SLC26A4: variants seen among roughly 807,000 people sequenced by gnomAD.
SLC26A4 encodes the protein solute carrier family 26 member 4.
Under a neutral mutation model 90.4 loss-of-function variants are expected in SLC26A4, and 93 were observed. That is an observed-to-expected ratio of 1.03 (90% CI 0.87 to 1.22). The LOEUF (loss-of-function observed/expected upper bound fraction) is 1.22, where lower values mean the gene tolerates loss of function less well. SLC26A4 is among the 50% of genes most tolerant of loss of function. The pLI is 0.00. For synonymous variants in SLC26A4, 393 were observed against 354.6 expected (o/e 1.11, Z -1.22); for missense variants, 1,127 against 946.2 (o/e 1.19, Z -2.51).
chr7:107,694,110 G>A (rs190079182), intron 10 of SLC26A4, among the ~76,000 whole-genome samples: 17 of 152,252 alleles, frequency 1.1e-4, no homozygotes, highest in Admixed American at 5.9e-4. Flanking sequence ...CGCCGAAACC[G>A]CAGGTGTGTA....
chr7:107,662,876 CA>C (rs765136180), intron 2 of SLC26A4, among the ~76,000 whole-genome samples: 40 of 152,084 alleles, frequency 2.6e-4, no homozygotes, highest in Non-Finnish European at 4.9e-4. Flanking sequence ...AAACTAGCTC[CA>C]GGCTTGTATT....
chr7:107,672,940 T>G (rs1314872159), intron 4 of SLC26A4, among the ~76,000 whole-genome samples: 2 of 152,252 alleles, frequency 1.3e-5, no homozygotes, highest in South Asian at 4.1e-4. Flanking sequence ...ATCTGCTGGC[T>G]AGACATGTCT....
chr7:107,693,307 G>A (rs182028604), intron 10 of SLC26A4: 109 of 985,342 alleles, frequency 1.1e-4, no homozygotes, highest in Admixed American at 4.3e-4. Flanking sequence ...TACAAAGCAC[G>A]CTTTTTAGTA....
chr7:107,665,616 A>G (rs966785917), intron 3 of SLC26A4, among the ~76,000 whole-genome samples: 1 of 152,222 alleles, frequency 6.6e-6, no homozygotes, highest in Non-Finnish European at 1.5e-5. Flanking sequence ...TATATATAAA[A>G]AATGGTGGTT....
chr7:107,701,487 G>A (rs1791884614), intron 16 of SLC26A4, among the ~76,000 whole-genome samples: 1 of 152,176 alleles, frequency 6.6e-6, no homozygotes, highest in Admixed American at 6.6e-5. Flanking sequence ...CAAAATAAGT[G>A]CAAATTCAAT....
intron 6 of SLC26A4, among the ~76,000 whole-genome samples, chr7:107,680,031 A>T (rs1276450841): frequency 1.5e-5 from 2 of 132,228 alleles, no homozygotes; most frequent in African/African-American, 2.9e-5. Flanking sequence ...CTTATTATAT[A>T]ATATAATCTT....
intron 8 of SLC26A4, 76 bp from the exon 9 acceptor site, chr7:107,688,977 A>G (rs1584323871): frequency 6.9e-7 from 1 of 1,454,808 alleles, no homozygotes; most frequent in East Asian, 2.3e-5. Flanking sequence ...GACTGAGCAG[A>G]TATAGCATTT....
At chr7:107,686,538 A>G (rs934635972) in intron 8 of SLC26A4, among the ~76,000 whole-genome samples, 4 of 150,470 alleles carry the variant, frequency 2.7e-5, no homozygotes, top group Non-Finnish European at 5.9e-5. Flanking sequence ...CCCAGCATGG[A>G]ATGCAGTGGC....
rs1340613335 is a variant in SLC26A4, at chr7:107,695,981, C to T, written c.1486C>T (p.Leu496Phe). ...AGTGTCCATCATTCTGGGGCTGGAT[C>T]TCGGTTTACTAGCTGGCCTTATATT... Reference protein sequence around the residue: ...CIVSIILGLDLGLLAGLIFGL... With the variant: ...CIVSIILGLDFGLLAGLIFGL... Residue 496 changes from leucine to phenylalanine, a missense_variant, in exon 13 of 21, where the codon CTC becomes TTC. Physicochemically the swap from Leu to Phe is conservative, Grantham distance 22. Transcript: ENST00000644269. 8.1e-6 allele frequency: 13 copies of T among 1,612,896 alleles called. No homozygotes were observed. The East Asian group carries it at 2.5e-4, about 30-fold the overall frequency.
rs397516418 is a variant in SLC26A4 at position 107,694,718 on chromosome 7, T to G, written c.1437+2T>G. The stretch of plus-strand genomic sequence containing the variant: ...TGGAGACAGAATAAGATTGATGCTG[T>G]AAGTCACCTACCACCTATATTTATC... On this transcript the variant is annotated splice_donor_variant, in intron 12 of 20. Transcript: ENST00000644269. LOFTEE classifies it high-confidence loss of function. 1 of 1,576,020 alleles carries G rather than the reference T, an allele frequency of 6.3e-7. No homozygotes were observed. Among genetic ancestry groups the G allele is most frequent in the Non-Finnish European group, 8.7e-7 (1 of 1,145,230 alleles).
chr7:107,679,258 G>A (rs1468166516), intron 6 of SLC26A4, among the ~76,000 whole-genome samples: 2 of 152,126 alleles, frequency 1.3e-5, no homozygotes, highest in African/African-American at 4.8e-5. Flanking sequence ...AAGGGTGAGA[G>A]CTTTGAAAGC....
At chr7:107,678,385 C>T (rs534761724) in intron 6 of SLC26A4, among the ~76,000 whole-genome samples, 2 of 152,264 alleles carry the variant, frequency 1.3e-5, no homozygotes, top group South Asian at 2.1e-4. Context: ...CTACACAGAT[C>T]GCAGGAGGTC....
At chr7:107,694,515 A>C (rs1235721376) in intron 11 of SLC26A4, 35 bp downstream of exon 11, 1 of 1,566,716 alleles carries the variant, frequency 6.4e-7, no homozygotes, top group Admixed American at 1.7e-5. Flanking sequence ...CGATTGCATA[A>C]TTTCCCTTCA....
Position 107,701,155 on chromosome 7 carries a change from A to G in SLC26A4, c.1762A>G (p.Ile588Val). 6.2e-7 allele frequency: 1 copy of G among 1,610,736 alleles called. No individual in the cohort carries two copies. The highest frequency in any genetic ancestry group is 1.7e-5 in the Admixed American group (1 of 59,996). The stretch of plus-strand genomic sequence containing the variant: ...TAAGAGGCTGAAAGCGCTGAGGAAA[A>G]TACAGAAACTAATAAAAAGTGGACA... ...YNKRLKALRK[I>V]QKLIKSGQLR... Residue 588 changes from isoleucine to valine, a missense_variant, in exon 16 of 21, where the codon ATA (isoleucine) becomes GTA (valine). Physicochemically the swap from Ile to Val is conservative, Grantham distance 29. Transcript: ENST00000644269.
At chr7:107,696,130 T>C in intron 13 of SLC26A4, 91 bp downstream of exon 13, 1 of 813,846 alleles carries the variant, frequency 1.2e-6, no homozygotes, top group South Asian at 1.3e-5. Flanking sequence ...GAAGCCACTT[T>C]CTTTCGTTAT....
Position 107,675,037 on chromosome 7 carries a change from G to C in SLC26A4, c.693G>C (p.Val231=). The C allele has an allele frequency of 6.2e-7, 1 of 1,614,070 alleles. No individual in the cohort carries two copies. Among genetic ancestry groups the C allele is most frequent in the Non-Finnish European group, 8.5e-7 (1 of 1,179,962 alleles). ...TCACAACAGCTGCTGCCTTCCAAGTGCTGGTCTCACAGCTAAAGATTGTCC... is the reference window on the plus strand; with the variant it reads ...TCACAACAGCTGCTGCCTTCCAAGTCCTGGTCTCACAGCTAAAGATTGTCC... ...GGFTTAAAFQ[V]LVSQLKIVLN... is the part of the protein sequence containing the mutation. Residue 231 remains valine, a synonymous_variant, in exon 6 of 21, where the codon GTG becomes GTC. Coordinates refer to ENST00000644269, the MANE Select transcript of SLC26A4 (RefSeq NM_000441.2).
At chr7:107,699,810 C>T (rs2129317828) in intron 14 of SLC26A4, among the ~76,000 whole-genome samples, 1 of 152,100 alleles carries the variant, frequency 6.6e-6, no homozygotes, top group South Asian at 2.1e-4. Context: ...CACCTGTAAT[C>T]CCAACTACTT....
intron 17 of SLC26A4, among the ~76,000 whole-genome samples, chr7:107,703,588 A>G (rs982663): frequency 0.45 from 68,758 of 152,050 alleles, 15,627 homozygotes; most frequent in East Asian, 0.63. Flanking sequence ...AGAGAGTTCA[A>G]TGAATTACTT....
rs1413121429 is a variant in SLC26A4 at position 107,694,619 on chromosome 7, A to C, written c.1342-2A>C. 3 of 1,609,520 alleles carry C rather than the reference A, an allele frequency of 1.9e-6. No homozygotes were observed. Among genetic ancestry groups the C allele is most frequent in the Non-Finnish European group, 2.6e-6 (3 of 1,175,966 alleles). On this transcript the variant is annotated splice_acceptor_variant, in intron 11 of 20. Transcript: ENST00000644269. LOFTEE classifies it high-confidence loss of function. ...CACAGCCTTCTCTGTCTCTCTTGGC[A>C]GTCGGTCTTGGCAGCTGTTGTAATT...
Sources: allele counts gnomAD v4.1 joint callset (sites outside exome capture counted in the v4.1 genomes callset), GRCh38; gene constraint gnomAD v4.1.1; transcripts MANE v1.5; gene names NCBI Gene and HGNC (gene_info 2026-07-23, HGNC 2026-07-21).